The following GLMN variants were observed in gnomAD, a reference collection of about 807,000 sequenced individuals.
GLMN encodes the protein glomulin, FKBP associated protein, also known as glomulin.
A neutral mutation model predicts 87.8 loss-of-function variants in GLMN; 75 were observed. The ratio of observed to expected loss-of-function variants is 0.85; its 90% CI spans 0.71 to 1.04. The LOEUF is 1.04. Ranked by LOEUF, GLMN falls within the 50% of genes least tolerant of loss-of-function variation. The probability of loss-of-function intolerance (pLI) is 0.00; values close to 1 mark genes in which losing one functional copy is unlikely to be tolerated. For synonymous variants in GLMN, 206 were observed against 221.6 expected (o/e 0.93, Z 0.63); for missense variants, 588 against 658.8 (o/e 0.89, Z 1.18).
Position 92,262,940 on chromosome 1 carries a change from AT to A in GLMN, c.1410-15del. ...GAAGCCATAATCCTGTTAATTAAAA[AT>A]ATATGTTACTTACAGTATGGTTTTA... On this transcript the variant is annotated splice_polypyrimidine_tract_variant and intron_variant, in intron 15 of 18. Transcript: ENST00000370360. 1.0e-6 allele frequency: 1 copy of A among 958,558 alleles called. No individual in the cohort carries two copies. The highest frequency in any genetic ancestry group is 1.7e-6 in the Non-Finnish European group (1 of 588,864). The allele number at this position is 958,558 out of a possible 1,614,324, so 59.4% of individuals were successfully genotyped here.
At chr1:92,319,427 A>G in the GLMN span, among the ~76,000 whole-genome samples, 1 of 152,140 alleles carries the variant, frequency 6.6e-6, no homozygotes, top group African/African-American at 2.4e-5. Context: ...TGTTATGAGG[A>G]TCAATATCTG....
the GLMN span, among the ~76,000 whole-genome samples, chr1:92,344,899 C>G: frequency 6.6e-6 from 1 of 152,032 alleles, no homozygotes; most frequent in Non-Finnish European, 1.5e-5. Flanking sequence ...TATCCTTTAC[C>G]ATTTATGTAT....
chr1:92,328,644 G>A, the GLMN span, among the ~76,000 whole-genome samples: 1 of 152,120 alleles, frequency 6.6e-6, no homozygotes, highest in South Asian at 2.1e-4. Flanking sequence ...TCCTTTTTCT[G>A]GCAATTCTGA....
the GLMN span, among the ~76,000 whole-genome samples, chr1:92,312,372 T>C: frequency 2.7e-5 from 4 of 150,592 alleles, no homozygotes; most frequent in South Asian, 6.3e-4. Flanking sequence ...GTGAGTTAGA[T>C]CACACCACTG....
the GLMN span, among the ~76,000 whole-genome samples, chr1:92,353,287 G>GT: frequency 6.6e-6 from 1 of 152,124 alleles, no homozygotes; most frequent in Non-Finnish European, 1.5e-5. Context: ...CACAGTGGTT[G>GT]TATCATTTTA....
chr1:92,269,970 G>T (rs527486983), intron 8 of GLMN, among the ~76,000 whole-genome samples, 194 bp from the exon 9 acceptor site: 1 of 152,198 alleles, frequency 6.6e-6, no homozygotes, highest in Admixed American at 6.5e-5. Context: ...AGATTATTAG[G>T]GTGGGCCCTA....
At chr1:92,362,493 GA>G in the GLMN span, among the ~76,000 whole-genome samples, 8 of 152,148 alleles carry the variant, frequency 5.3e-5, no homozygotes, top group Admixed American at 1.3e-4. Context: ...CATTCGCTTT[GA>G]ATGAGTTTGG....
chr1:92,352,137 C>T, the GLMN span, among the ~76,000 whole-genome samples: 1 of 152,156 alleles, frequency 6.6e-6, no homozygotes, highest in East Asian at 1.9e-4. Flanking sequence ...AAAATGTCTG[C>T]TTTCATTTTA....
chr1:92,336,026 G>A, the GLMN span, among the ~76,000 whole-genome samples: 1 of 152,146 alleles, frequency 6.6e-6, no homozygotes, highest in Admixed American at 6.5e-5. Flanking sequence ...CATTTTGGGG[G>A]CAGTTGTGTT....
chr1:92,247,095 C>T lies in GLMN; in HGVS notation c.1635G>A (p.Glu545=), dbSNP rs376960198. Residue 545 remains glutamate (E), a synonymous_variant, in exon 18 of 19, where the codon GAG becomes GAA. Transcript: ENST00000370360. The part of the protein sequence containing the change: ...DLCSITVSGE[E]IPNMPPEMQL... ...GCATTTCAGGAGGCATATTAGGGAT[C>T]TCTTCTCCACTTACAGTTATAGAAC... 3.9e-5 allele frequency: 62 copies of T among 1,577,988 alleles called. No individual in the cohort carries two copies. Among genetic ancestry groups the T allele is most frequent in the Middle Eastern group, 3.3e-4 (2 of 6,018 alleles).
At chr1:92,340,822 G>C in the GLMN span, among the ~76,000 whole-genome samples, 1 of 152,232 alleles carries the variant, frequency 6.6e-6, no homozygotes, top group African/African-American at 2.4e-5. Flanking sequence ...ACCTGTCGTA[G>C]TGTAAAGCAG....
intron 16 of GLMN, among the ~76,000 whole-genome samples, chr1:92,262,147 TA>T (rs1000389426): frequency 2.1e-4 from 32 of 151,902 alleles, no homozygotes; most frequent in African/African-American, 7.7e-4. Flanking sequence ...TTACCTAATT[TA>T]AAAAAAATTT....
intron 16 of GLMN, among the ~76,000 whole-genome samples, chr1:92,256,476 C>A (rs1322499554): frequency 6.6e-6 from 1 of 152,148 alleles, no homozygotes; most frequent in East Asian, 1.9e-4. Flanking sequence ...GGCCAATATC[C>A]CTGATGAACA....
At chr1:92,265,343 G>A (rs1026324609) in intron 13 of GLMN, among the ~76,000 whole-genome samples, 8 of 148,732 alleles carry the variant, frequency 5.4e-5, no homozygotes, top group African/African-American at 1.7e-4. Context: ...AAAAAAACTA[G>A]ATATGACTAG....
At chr1:92,331,310 G>T in the GLMN span, among the ~76,000 whole-genome samples, 1 of 151,986 alleles carries the variant, frequency 6.6e-6, no homozygotes, top group Admixed American at 6.6e-5. Flanking sequence ...CCTTTATATG[G>T]AGAATTTAAT....
intron 11 of GLMN, among the ~76,000 whole-genome samples, chr1:92,267,430 G>A (rs1202868066): frequency 6.6e-6 from 1 of 152,218 alleles, no homozygotes; most frequent in Non-Finnish European, 1.5e-5. Flanking sequence ...CCGGCTGGGT[G>A]TGGTGGCTCA....
the GLMN span, among the ~76,000 whole-genome samples, chr1:92,332,628 G>T: frequency 2.6e-5 from 4 of 152,190 alleles, no homozygotes; most frequent in South Asian, 8.3e-4. Context: ...AGATTAAGAT[G>T]ATTTCAAGGT....
chr1:92,283,283 GCTT>G (rs1648309228), intron 7 of GLMN, among the ~76,000 whole-genome samples: 1 of 152,188 alleles, frequency 6.6e-6, no homozygotes, highest in Admixed American at 6.5e-5. Context: ...AATCAAGTCG[GCTT>G]CTTCCCTGGG....
chr1:92,264,928 G>A (rs577123127), intron 13 of GLMN, among the ~76,000 whole-genome samples: 63 of 152,250 alleles, frequency 4.1e-4, no homozygotes, highest in African/African-American at 1.3e-3. Context: ...TGCAACCTCC[G>A]CCTCCCGGGT....
Sources: gnomAD v4.1 joint callset for allele counts (sites outside exome capture counted in the v4.1 genomes callset) on GRCh38, gnomAD v4.1.1 for gene constraint, MANE v1.5 for transcripts, NCBI Gene and HGNC (gene_info 2026-07-23, HGNC 2026-07-21) for gene names.